Variants in CD44 observed in about 807,000 individuals in gnomAD.
The protein encoded by CD44 is CD44 antigen.
A neutral mutation model predicts 88.8 loss-of-function variants in CD44; 49 were observed. That is an observed-to-expected ratio of 0.55 (90% CI 0.44 to 0.70). CD44 has a LOEUF of 0.70. Ranked by LOEUF, CD44 falls within the 30% of genes least tolerant of loss-of-function variation. The pLI is 0.00. For missense variants in CD44, 883 were observed against 913.8 expected, an observed-to-expected ratio of 0.97 and a Z score of 0.43; for synonymous variants, 325 against 312.3, an observed-to-expected ratio of 1.04 and a Z score of -0.43.
rs745705901 is a variant in CD44 at position 35,211,434 on chromosome 11, A to G, written c.1795A>G (p.Asn599Asp). 19 of 1,613,490 alleles carry G rather than the reference A, an allele frequency of 1.2e-5. No homozygotes were observed. The South Asian group carries it at 2.1e-4, about 18-fold the overall frequency. The stretch of plus-strand genomic sequence containing the variant: ...TGTTGGAGATTCCAACTCTAATGTC[A>G]ATCGTTCCTTATCAGGTAATTTGGC... ...VTVGDSNSNV[N>D]RSLSGDQDTF... The change falls in exon 14 of 18, where the codon AAT (asparagine) becomes GAT (aspartate). Residue 599 changes from asparagine to aspartate, a missense_variant. Transcript: ENST00000428726.
chr11:35,148,377 G>T (rs1003241703), intron 1 of CD44, among the ~76,000 whole-genome samples: 2 of 152,218 alleles, frequency 1.3e-5, no homozygotes, highest in Non-Finnish European at 2.9e-5. Context: ...CCTGCAAGAG[G>T]GGGAGGGGAA....
Position 35,211,324 on chromosome 11 carries a change from CT to C in CD44, c.1686del (p.His563IlefsTer14). 1.9e-6 allele frequency: 3 copies of C among 1,613,966 alleles called. No individual in the cohort carries two copies. The highest frequency in any genetic ancestry group is 2.7e-5 in the African/African-American group (2 of 75,050). ...GSTTLLEGYT[S>X]HYPHTKESRT... The stretch of plus-strand genomic sequence containing the variant: ...ACTACTTTACTGGAAGGTTATACCT[CT>C]CATTACCCACACACGAAGGAAAGCA... On this transcript the variant is annotated frameshift_variant, in exon 14 of 18. Transcript: ENST00000428726. LOFTEE classifies it high-confidence loss of function.
chr11:35,201,911 C>T lies in CD44; in HGVS notation c.1153+124C>T. 3 of 1,035,374 alleles carry T rather than the reference C, an allele frequency of 2.9e-6. No individual in the cohort carries two copies. The South Asian group carries it at 4.9e-5, about 17-fold the overall frequency. The allele number at this position is 1,035,374 out of a possible 1,614,324, so 64.1% of individuals were successfully genotyped here. On this transcript the variant is annotated intron_variant, in intron 9 of 17. Transcript: ENST00000428726. Reference sequence around the variant, plus strand: ...TTTCCACTCGGTAATTTCTTTTATTCTTAGAGCCTGAAAAGCTGCTAAACC... The same window carrying T: ...TTTCCACTCGGTAATTTCTTTTATTTTTAGAGCCTGAAAAGCTGCTAAACC...
At chr11:35,206,564 C>T (rs1323786543) in intron 11 of CD44, among the ~76,000 whole-genome samples, 2 of 151,856 alleles carry the variant, frequency 1.3e-5, no homozygotes, top group East Asian at 3.9e-4. Context: ...TCTGAGAACC[C>T]CTCCCTGCCC....
chr11:35,171,031 T>C (rs1943821040), intron 1 of CD44, among the ~76,000 whole-genome samples: 3 of 152,242 alleles, frequency 2.0e-5, no homozygotes, highest in African/African-American at 4.8e-5. Context: ...GTTTTAAGGA[T>C]AAAATGAGTA....
In CD44 at chr11:35,188,615, A is replaced by AT. The variant is rs984260948; in HGVS notation, c.437-1210dup. 5.5e-4 allele frequency among the ~76,000 whole-genome samples: 83 copies of AT among 150,026 alleles called. 3 individuals carry two copies. In the South Asian group the frequency reaches 1.0e-2, roughly 18 times the overall value. On this transcript the variant is annotated intron_variant, in intron 4 of 17. Coordinates refer to ENST00000428726, the MANE Select transcript of CD44 (RefSeq NM_000610.4). ...GATTACCAGGGTGACTGAGACCTTG[A>AT]TTTTTTTTTTCATTTATGTATTATT...
chr11:35,152,199 G>A (rs892680682), intron 1 of CD44, among the ~76,000 whole-genome samples: 3 of 152,166 alleles, frequency 2.0e-5, no homozygotes, highest in African/African-American at 7.2e-5. Context: ...GCCTCACTAA[G>A]TCCTGCTTAG....
chr11:35,206,991 A>G (rs754000054), intron 11 of CD44, among the ~76,000 whole-genome samples: 3 of 152,254 alleles, frequency 2.0e-5, no homozygotes, highest in Non-Finnish European at 2.9e-5. Context: ...GTCAAGGACA[A>G]TACAATTGGC....
intron 10 of CD44, 83 bp downstream of exon 10, chr11:35,204,723 G>A (rs1947662535): frequency 8.2e-7 from 1 of 1,222,782 alleles, no homozygotes; most frequent in African/African-American, 1.5e-5. Context: ...TGAACAAAAG[G>A]ACACTGGAGG....
Position 35,218,569 on chromosome 11 carries a change from C to T in CD44, c.1874-747C>T, listed in dbSNP as rs146345003. 3.3e-3 allele frequency among the ~76,000 whole-genome samples: 509 copies of T among 152,226 alleles called. 4 individuals carry two copies. The highest frequency in any genetic ancestry group is 0.031 in the Middle Eastern group (9 of 294). ...ATCTCAATCTCTTGACCTTGTGATC[C>T]GCCTGCTTCAGCCTCCCAAAGTACT... On this transcript the variant is annotated intron_variant, in intron 15 of 17. Coordinates refer to ENST00000428726, the MANE Select transcript of CD44 (RefSeq NM_000610.4).
Position 35,214,930 on chromosome 11 carries a change from CT to C in CD44, c.1873+19del. The C allele has an allele frequency of 6.6e-7, 1 of 1,507,430 alleles. No individual in the cohort carries two copies. Among genetic ancestry groups the C allele is most frequent in the Non-Finnish European group, 8.9e-7 (1 of 1,119,706 alleles). The allele number at this position is 1,507,430 out of a possible 1,614,324, so 93.4% of individuals were successfully genotyped here. A position where few individuals can be genotyped will look rare whatever the true frequency, so the allele number is the denominator to read the frequency against. The stretch of plus-strand genomic sequence containing the variant: ...GAATCAGATGGTGAGTTCAAAACTG[CT>C]TTAGTCATTTACTGTTATAATCATT... On this transcript the variant is annotated intron_variant, in intron 15 of 17. Transcript: ENST00000428726.
At chr11:35,190,198 G>A (rs112391072) in intron 5 of CD44, 133 bp downstream of exon 5, 56 of 747,894 alleles carry the variant, frequency 7.5e-5, no homozygotes, top group African/African-American at 7.1e-4. Context: ...TGCCATTCAG[G>A]GAGGTGGGCT....
At chr11:35,204,800 G>A (rs1383914614) in intron 10 of CD44, 160 bp downstream of exon 10, 2 of 626,420 alleles carry the variant, frequency 3.2e-6, no homozygotes, top group Non-Finnish European at 5.4e-6. Flanking sequence ...AAACCTTAAA[G>A]GCTCATAACA....
At chr11:35,140,330 A>T (rs1476492339) in intron 1 of CD44, among the ~76,000 whole-genome samples, 1 of 152,204 alleles carries the variant, frequency 6.6e-6, no homozygotes, top group Non-Finnish European at 1.5e-5. Flanking sequence ...ATGTACAGAT[A>T]ATTACATGGC....
chr11:35,204,725 C>A, intron 10 of CD44, 85 bp downstream of exon 10: 1 of 1,222,682 alleles, frequency 8.2e-7, no homozygotes, highest in Non-Finnish European at 1.2e-6. Flanking sequence ...AACAAAAGGA[C>A]ACTGGAGGAA....
intron 11 of CD44, among the ~76,000 whole-genome samples, chr11:35,206,597 A>G (rs1947864864): frequency 6.7e-6 from 1 of 148,348 alleles, no homozygotes; most frequent in South Asian, 2.2e-4. Context: ...CAGAAAGGTG[A>G]ATTGGACTTG....
intron 7 of CD44, among the ~76,000 whole-genome samples, chr11:35,200,202 C>T (rs145946726): frequency 7.3e-4 from 111 of 152,060 alleles, no homozygotes; most frequent in African/African-American, 2.5e-3. Context: ...AACAGTTTTG[C>T]GTTATTTGGG....
intron 1 of CD44, among the ~76,000 whole-genome samples, chr11:35,147,788 A>G (rs543514623): frequency 1.3e-5 from 2 of 152,298 alleles, no homozygotes; most frequent in South Asian, 4.1e-4. Flanking sequence ...TATTATGCAC[A>G]TTAAGATGCC....
At chr11:35,196,938 C>A (rs2133981250) in intron 6 of CD44, 64 bp downstream of exon 6, 16 of 1,539,102 alleles carry the variant, frequency 1.0e-5, no homozygotes, top group Non-Finnish European at 1.2e-5. Flanking sequence ...TTTTGATTGA[C>A]CTCTGGGATG....
Sources: gnomAD v4.1 joint callset for allele counts (sites outside exome capture counted in the v4.1 genomes callset) on GRCh38, gnomAD v4.1.1 for gene constraint, MANE v1.5 for transcripts, NCBI Gene and HGNC (gene_info 2026-07-23, HGNC 2026-07-21) for gene names.